SH2B2: variants seen among roughly 807,000 people sequenced by gnomAD.
SH2B2 encodes the protein SH2B adapter protein 2.
SH2B2 carries 37 observed loss-of-function variants against 35.7 expected under a neutral mutation model. The observed-to-expected ratio is 1.04, with a 90% CI of 0.80 to 1.36. The LOEUF (loss-of-function observed/expected upper bound fraction) is 1.36, where lower values mean the gene tolerates loss of function less well. Among genes scored for constraint, SH2B2 ranks in the 40% most tolerant of loss-of-function variants. SH2B2 has a pLI of 0.00. For missense variants in SH2B2, 852 were observed against 817.7 expected (o/e 1.04, Z -0.51); for synonymous variants, 383 against 376.4 (o/e 1.02, Z -0.20).
At chr7:102,317,742 G>A (rs1463124351) in intron 7 of SH2B2, among the ~76,000 whole-genome samples, 6 of 152,100 alleles carry the variant, frequency 3.9e-5, no homozygotes, top group South Asian at 2.1e-4. Flanking sequence ...CTGGAGCTTC[G>A]GAGGGTCTCC....
At position 102,321,633 on chromosome 7, in the gene SH2B2, C is replaced by T; in HGVS notation, c.*3C>T. On this transcript the variant is annotated 3_prime_UTR_variant, in exon 9 of 9. Coordinates refer to ENST00000444095, the MANE Select transcript of SH2B2 (RefSeq NM_001359228.2). The stretch of plus-strand genomic sequence containing the variant: ...AGAACCAGTACTCCTTCTACTAGCC[C>T]GCGGCGCCGCCCGGGTGGGACACGC... 8.8e-7 allele frequency: 1 copy of T among 1,142,104 alleles called. No homozygotes were observed. Among genetic ancestry groups the T allele is most frequent in the Non-Finnish European group, 1.1e-6 (1 of 928,932 alleles). 70.7% of individuals were successfully genotyped at this position (1,142,104 alleles called of 1,614,324 possible).
intron 4 of SH2B2, chr7:102,309,355 CT>C (rs35826295): frequency 0.096 from 17,392 of 181,906 alleles, 137 homozygotes; most frequent in African/African-American, 0.15. Context: ...CTCTCTCTCT[CT>C]TTTTTTTTTT....
chr7:102,321,341 G>C lies in SH2B2; in HGVS notation c.1610G>C (p.Cys537Ser). ...CCTGCCGCGCCCGCGTCCCCGGCCT[G>C]CTGGAGCGACTCGCCCGGCCAGCAC... ...TPPAAPASPA[C>S]WSDSPGQHYF... Residue 537 changes from cysteine to serine, a missense_variant, in exon 9 of 9, where the codon TGC (cysteine) becomes TCC (serine). By Grantham distance (112) the Cys-to-Ser change is moderately radical. Transcript: ENST00000444095. 1 of 1,441,050 alleles carries C rather than the reference G, an allele frequency of 6.9e-7. No homozygotes were observed. Among genetic ancestry groups the C allele is most frequent in the Non-Finnish European group, 9.1e-7 (1 of 1,102,928 alleles). The allele number at this position is 1,441,050 out of a possible 1,614,324, so 89.3% of individuals were successfully genotyped here. A position where few individuals can be genotyped will look rare whatever the true frequency, so the allele number is the denominator to read the frequency against.
intron 8 of SH2B2, among the ~76,000 whole-genome samples, chr7:102,320,703 A>G (rs1794022413): frequency 6.6e-6 from 1 of 152,094 alleles, no homozygotes; most frequent in South Asian, 2.1e-4. Flanking sequence ...GCCTAGAGGC[A>G]GCCAGGTCCC....
intron 1 of SH2B2, among the ~76,000 whole-genome samples, chr7:102,290,517 G>T (rs565035332): frequency 6.6e-6 from 1 of 151,990 alleles, no homozygotes; most frequent in East Asian, 1.9e-4. Context: ...CGCCCTCCTC[G>T]GCCTCCCAAA....
intron 6 of SH2B2, 182 bp from the exon 7 acceptor site, chr7:102,317,005 A>G: frequency 1.8e-6 from 1 of 557,526 alleles, no homozygotes; most frequent in Non-Finnish European, 3.1e-6. Flanking sequence ...CTGGGCGACA[A>G]GAGCGAAACT....
rs1793420038 is a variant in SH2B2 at position 102,306,830 on chromosome 7, C to G, written c.831+8C>G. The G allele has an allele frequency of 6.4e-7, 1 of 1,562,368 alleles. No homozygotes were observed. Among genetic ancestry groups the G allele is most frequent in the Non-Finnish European group, 8.7e-7 (1 of 1,150,760 alleles). On this transcript the variant is annotated splice_region_variant and intron_variant, in intron 3 of 8. Transcript: ENST00000444095. ...AACACATTCGTCCTCAAGGTGAGGT[C>G]TCACCCCTAACCTCAGAGATCCTCC...
chr7:102,309,446 CGCCTCCCA>C (rs1793532972), intron 4 of SH2B2: 1 of 286,986 alleles, frequency 3.5e-6, no homozygotes, highest in Non-Finnish European at 6.9e-6. Context: ...CTGCAATCTC[CGCCTCCCA>C]GGTTCAAGCA....
At chr7:102,288,829 TCAA>T (rs1351194954) in intron 1 of SH2B2, among the ~76,000 whole-genome samples, 2 of 152,152 alleles carry the variant, frequency 1.3e-5, no homozygotes, top group Non-Finnish European at 2.9e-5. Flanking sequence ...AGTCCCGCAG[TCAA>T]CGAGCCAGGC....
intron 4 of SH2B2, among the ~76,000 whole-genome samples, chr7:102,314,132 A>G (rs971520501): frequency 9.9e-5 from 15 of 152,138 alleles, no homozygotes; most frequent in African/African-American, 3.6e-4. Flanking sequence ...CTGAGCCCCA[A>G]CAGTGGCCTG....
At chr7:102,306,972 T>C in intron 3 of SH2B2, 150 bp downstream of exon 3, 1 of 646,144 alleles carries the variant, frequency 1.5e-6, no homozygotes, top group Non-Finnish European at 2.7e-6. Flanking sequence ...TCCCAGACCC[T>C]ATGACAGATG....
chr7:102,298,374 A>G lies in SH2B2; in HGVS notation c.-29-2148A>G, dbSNP rs114643572. 1.6e-3 allele frequency among the ~76,000 whole-genome samples: 240 copies of G among 152,238 alleles called. 1 individual carries two copies. The highest frequency in any genetic ancestry group is 5.5e-3 in the African/African-American group (228 of 41,548). On this transcript the variant is annotated intron_variant, in intron 1 of 8. Transcript: ENST00000444095. ...AATCCTGGGCTCAAGCGATTCTGCC[A>G]CTTCAGTCTCCTTAGTATCTAGGAC... is the stretch of plus-strand genomic sequence containing the variant.
intron 7 of SH2B2, 156 bp downstream of exon 7, chr7:102,317,551 G>A (rs557071748): frequency 5.0e-5 from 31 of 624,024 alleles, no homozygotes; most frequent in Admixed American, 2.2e-4. Context: ...GCCATGCTCC[G>A]TGAGCCACCT....
At chr7:102,309,231 G>T (rs1554555488) in intron 4 of SH2B2, 8 of 512,864 alleles carry the variant, frequency 1.6e-5, no homozygotes, top group South Asian at 4.7e-5. Context: ...AAGGGCTGGG[G>T]GCCTGGTGCA....
intron 1 of SH2B2, among the ~76,000 whole-genome samples, chr7:102,295,464 G>C (rs369500922): frequency 6.6e-6 from 1 of 152,318 alleles, no homozygotes; most frequent in Non-Finnish European, 1.5e-5. Flanking sequence ...GCCTGGGCTC[G>C]TGACCTTCCC....
intron 3 of SH2B2, 93 bp from the exon 4 acceptor site, chr7:102,308,722 G>T: frequency 2.2e-6 from 2 of 899,262 alleles, no homozygotes; most frequent in Non-Finnish European, 3.7e-6. Context: ...GGGAGAGGGG[G>T]ATCAGCCATT....
rs551972208 is a variant in SH2B2, at chr7:102,296,311, T to A, written c.-29-4211T>A. On this transcript the variant is annotated intron_variant, in intron 1 of 8. Coordinates refer to ENST00000444095, the MANE Select transcript of SH2B2 (RefSeq NM_001359228.2). ...TTTGGATCCCAGAGGAGAGATGAGA[T>A]GGTGATCCCAGGAGCTGCGAGGGAG... 2.6e-5 allele frequency among the ~76,000 whole-genome samples: 4 copies of A among 152,256 alleles called. No homozygotes were observed. In the East Asian group the frequency reaches 7.7e-4, roughly 29 times the overall value.
chr7:102,317,483 G>A (rs1793895605), intron 7 of SH2B2, 88 bp downstream of exon 7: 3 of 1,254,420 alleles, frequency 2.4e-6, no homozygotes, highest in Admixed American at 5.8e-5. Context: ...GCTGTGCCCT[G>A]GAAGCAGCTG....
chr7:102,289,246 G>A (rs781868902), intron 1 of SH2B2, among the ~76,000 whole-genome samples: 101 of 152,242 alleles, frequency 6.6e-4, no homozygotes, highest in Non-Finnish European at 1.2e-3. Flanking sequence ...TGAGGGTAGC[G>A]CCCACCTGGG....
Sources: allele counts gnomAD v4.1 joint callset (sites outside exome capture counted in the v4.1 genomes callset), GRCh38; gene constraint gnomAD v4.1.1; transcripts MANE v1.5; gene names NCBI Gene and HGNC (gene_info 2026-07-23, HGNC 2026-07-21).